Variants in CCDC178 observed in about 807,000 individuals in gnomAD.
The protein encoded by CCDC178 is coiled-coil domain-containing protein 178.
Under a neutral mutation model 117.4 loss-of-function variants are expected in CCDC178, and 126 were observed. That is an observed-to-expected ratio of 1.07 (90% confidence interval 0.93 to 1.24). CCDC178 has a LOEUF of 1.24. CCDC178 is among the 50% of genes most tolerant of loss of function. The pLI, the probability that CCDC178 is intolerant of heterozygous loss-of-function variation, is 0.00. For synonymous variants in CCDC178, 283 were observed against 313.4 expected (o/e 0.90, Z 1.02); for missense variants, 1,030 against 986.9 (o/e 1.04, Z -0.59).
chr18:33,067,967 A>T (rs145075619), intron 21 of CCDC178, among the ~76,000 whole-genome samples: 14 of 152,268 alleles, frequency 9.2e-5, no homozygotes, highest in Admixed American at 2.6e-4. Context: ...ACTCAAATTA[A>T]TAACATCAGA....
intron 21 of CCDC178, among the ~76,000 whole-genome samples, chr18:33,038,123 T>C (rs2144883495): frequency 6.6e-6 from 1 of 152,038 alleles, no homozygotes; most frequent in South Asian, 2.1e-4. Flanking sequence ...GCAAAAATGA[T>C]CATATTACCA....
At chr18:33,372,233 T>G (rs888804419) in intron 5 of CCDC178, among the ~76,000 whole-genome samples, 6 of 152,108 alleles carry the variant, frequency 3.9e-5, no homozygotes. Flanking sequence ...TGGTTCATGT[T>G]ACTCTTTTTA....
In CCDC178 at chr18:32,990,010, TA is replaced by T. The variant is rs202111073; in HGVS notation, c.2389-15330del. ...ACTGGAAATACATTGTTCGCAGCTG[TA>T]AAAAACTTTTTTACAAAGCATCAAA... On this transcript the variant is annotated intron_variant, in intron 21 of 22. Transcript: ENST00000383096. Among the ~76,000 whole-genome samples, 1,361 of 152,242 alleles carry T rather than the reference TA, an allele frequency of 8.9e-3. 14 individuals carry two copies. Among genetic ancestry groups the T allele is most frequent in the African/African-American group, 0.031 (1,278 of 41,568 alleles).
At chr18:33,406,154 G>A (rs1317729984) in intron 3 of CCDC178, among the ~76,000 whole-genome samples, 1 of 151,978 alleles carries the variant, frequency 6.6e-6, no homozygotes, top group East Asian at 1.9e-4. Flanking sequence ...AAATACATAT[G>A]TATAAATGCA....
chr18:32,938,123 TA>T, intron 22 of CCDC178, 32 bp from the exon 23 acceptor site: 1 of 1,398,524 alleles, frequency 7.2e-7, no homozygotes, highest in African/African-American at 1.4e-5. Flanking sequence ...ACAAAATCAA[TA>T]AGTACTCATT....
intron 4 of CCDC178, 75 bp from the exon 5 acceptor site, chr18:33,389,704 T>A: frequency 1.6e-6 from 1 of 617,166 alleles, no homozygotes; most frequent in Non-Finnish European, 2.6e-6. Flanking sequence ...CACCACCATG[T>A]AAAAAACTAC....
intron 21 of CCDC178, among the ~76,000 whole-genome samples, chr18:33,078,114 G>T (rs1337569707): frequency 6.6e-6 from 1 of 152,204 alleles, no homozygotes; most frequent in Non-Finnish European, 1.5e-5. Context: ...TCCTCGGGAT[G>T]CAAGGTTGGT....
chr18:32,938,039 G>C lies in CCDC178; in HGVS notation c.2576C>G (p.Thr859Arg), dbSNP rs2054157611. ...ACCATCGTTTTCGCATGTGCCATCT[G>C]TCAAAGTCTGGAAGAAACCTAAGAT... ...QHILGFFQTLTDGTCENDG is the reference protein window; with the variant it reads ...QHILGFFQTLRDGTCENDG Residue 859 changes from threonine to arginine, a missense_variant, in exon 23 of 23, where the codon ACA becomes AGA. Transcript: ENST00000383096. 1.2e-6 allele frequency: 2 copies of C among 1,613,702 alleles called. No homozygotes were observed. The highest frequency in any genetic ancestry group is 1.7e-6 in the Non-Finnish European group (2 of 1,179,700).
intron 21 of CCDC178, among the ~76,000 whole-genome samples, chr18:33,004,215 G>T (rs771737256): frequency 6.6e-6 from 1 of 151,984 alleles, no homozygotes; most frequent in African/African-American, 2.4e-5. Flanking sequence ...AGAATAGTCA[G>T]AGCTATCATG....
chr18:33,421,419 C>T (rs2064022238), intron 2 of CCDC178, among the ~76,000 whole-genome samples: 1 of 152,174 alleles, frequency 6.6e-6, no homozygotes, highest in African/African-American at 2.4e-5. Flanking sequence ...AGATCTTTCA[C>T]AGTTCTTGCC....
At chr18:33,417,281 A>T (rs1162104878) in intron 2 of CCDC178, among the ~76,000 whole-genome samples, 1 of 152,202 alleles carries the variant, frequency 6.6e-6, no homozygotes, top group Non-Finnish European at 1.5e-5. Context: ...CTATTGATAC[A>T]TGCAACAATT....
chr18:33,058,972 G>T (rs2056875576), intron 21 of CCDC178, among the ~76,000 whole-genome samples: 1 of 152,038 alleles, frequency 6.6e-6, no homozygotes, highest in Non-Finnish European at 1.5e-5. Context: ...ATATTTATAA[G>T]TTCCAAGAAA....
intron 21 of CCDC178, among the ~76,000 whole-genome samples, chr18:33,060,338 T>C (rs1267057017): frequency 6.6e-6 from 1 of 152,094 alleles, no homozygotes; most frequent in Admixed American, 6.5e-5. Flanking sequence ...ATACTTGCCA[T>C]AAAGCCTTTA....
chr18:33,195,423 G>A (rs2058919405), intron 20 of CCDC178, among the ~76,000 whole-genome samples: 1 of 152,050 alleles, frequency 6.6e-6, no homozygotes, highest in African/African-American at 2.4e-5. Context: ...CTGAGAGAAA[G>A]AATCAGCCTT....
At chr18:32,976,492 T>C (rs1426750627) in intron 21 of CCDC178, among the ~76,000 whole-genome samples, 2 of 152,108 alleles carry the variant, frequency 1.3e-5, no homozygotes, top group East Asian at 3.9e-4. Flanking sequence ...TAATTAAATT[T>C]GCTTTAACAA....
intron 14 of CCDC178, among the ~76,000 whole-genome samples, chr18:33,261,632 AC>A (rs2059752039): frequency 6.6e-6 from 1 of 152,172 alleles, no homozygotes; most frequent in Non-Finnish European, 1.5e-5. Flanking sequence ...CTTGAACAAT[AC>A]CACAGAGTTT....
intron 20 of CCDC178, among the ~76,000 whole-genome samples, chr18:33,153,136 T>TTA (rs10604490): frequency 0.026 from 3,811 of 144,138 alleles, 65 homozygotes; most frequent in South Asian, 0.067. Flanking sequence ...TGAGTGACAA[T>TTA]TATATATATA....
chr18:33,324,464 T>C (rs2062559045), intron 10 of CCDC178, among the ~76,000 whole-genome samples: 1 of 151,974 alleles, frequency 6.6e-6, no homozygotes, highest in Non-Finnish European at 1.5e-5. Context: ...TATTAGCATA[T>C]ATTTTAAGAA....
At chr18:33,114,407 AC>A (rs1466059075) in intron 20 of CCDC178, among the ~76,000 whole-genome samples, 1 of 151,944 alleles carries the variant, frequency 6.6e-6, no homozygotes, top group Non-Finnish European at 1.5e-5. Context: ...AAGGAAGAGA[AC>A]CCAGTAATTG....
Sources: gnomAD v4.1 joint callset for allele counts (sites outside exome capture counted in the v4.1 genomes callset) on GRCh38, gnomAD v4.1.1 for gene constraint, MANE v1.5 for transcripts, NCBI Gene and HGNC (gene_info 2026-07-23, HGNC 2026-07-21) for gene names.